The following NALCN variants were observed in gnomAD, a reference collection of about 807,000 sequenced individuals.
NALCN encodes the protein sodium leak channel, non-selective.
In NALCN, 111 loss-of-function variants were observed where a neutral mutation model predicts 225.3. The observed-to-expected ratio is 0.49, with a 90% CI of 0.42 to 0.58. The LOEUF (loss-of-function observed/expected upper bound fraction) is 0.58, where lower values mean the gene tolerates loss of function less well. Among genes scored for constraint, NALCN ranks in the 20% least tolerant of loss-of-function variants. The pLI, the probability that NALCN is intolerant of heterozygous loss-of-function variation, is 0.00. For synonymous variants in NALCN, 764 were observed against 769.0 expected, an observed-to-expected ratio of 0.99 and a Z score of 0.11; for missense variants, 1,378 against 2,202.4, an observed-to-expected ratio of 0.63 and a Z score of 7.49.
chr13:101,144,682 G>A, intron 16 of NALCN, 78 bp downstream of exon 16: 1 of 1,456,094 alleles, frequency 6.9e-7, no homozygotes, highest in Non-Finnish European at 9.2e-7. Flanking sequence ...ATACTTAAAA[G>A]AAGGGTTAAA....
chr13:101,188,028 C>T (rs1043929357), intron 14 of NALCN, among the ~76,000 whole-genome samples: 1 of 152,104 alleles, frequency 6.6e-6, no homozygotes, highest in Non-Finnish European at 1.5e-5. Flanking sequence ...TACCTAAGAT[C>T]TAAGCATTCT....
At chr13:101,162,389 G>A (rs535351901) in intron 15 of NALCN, among the ~76,000 whole-genome samples, 1 of 152,294 alleles carries the variant, frequency 6.6e-6, no homozygotes, top group African/African-American at 2.4e-5. Flanking sequence ...GATGCTTCCA[G>A]AAGAACGGAA....
intron 9 of NALCN, among the ~76,000 whole-genome samples, chr13:101,284,571 T>C (rs1025821011): frequency 1.3e-5 from 2 of 152,212 alleles, no homozygotes; most frequent in African/African-American, 4.8e-5. Flanking sequence ...GGGAAAGAAC[T>C]GGTGTTATTT....
Position 101,075,927 on chromosome 13 carries a change from G to A in NALCN, c.3900C>T (p.Tyr1300=). The A allele has an allele frequency of 6.2e-7, 1 of 1,610,120 alleles. No homozygotes were observed. The highest frequency in any genetic ancestry group is 8.5e-7 in the Non-Finnish European group (1 of 1,178,676). Residue 1300 remains tyrosine, a synonymous_variant, in exon 35 of 44, where the codon TAC becomes TAT. Transcript: ENST00000251127. ...LHFALLNAYT[Y]MMGACVIVFR... ...ATACAATCACACAAGCGCCCATCAT[G>A]TAAGTATATGCATTCTGAAATTTAA...
At chr13:101,329,380 T>C (rs1488666446) in intron 7 of NALCN, among the ~76,000 whole-genome samples, 1 of 152,182 alleles carries the variant, frequency 6.6e-6, no homozygotes, top group Non-Finnish European at 1.5e-5. Context: ...GCATCCCAAA[T>C]CTTAATCCAC....
At chr13:101,415,229 A>ACC (rs2047908048) in intron 1 of NALCN, among the ~76,000 whole-genome samples, 1 of 37,974 alleles carries the variant, frequency 2.6e-5, no homozygotes, top group Non-Finnish European at 1.1e-4. Context: ...ATATATACAT[A>ACC]CATATATATT....
chr13:101,151,116 G>A (rs1042501142), intron 15 of NALCN, among the ~76,000 whole-genome samples: 7 of 152,190 alleles, frequency 4.6e-5, no homozygotes, highest in African/African-American at 1.4e-4. Context: ...AGTCGTCTAA[G>A]CTCAGTGCTA....
At chr13:101,252,185 A>G (rs1375965608) in intron 11 of NALCN, among the ~76,000 whole-genome samples, 5 of 152,190 alleles carry the variant, frequency 3.3e-5, no homozygotes, top group Non-Finnish European at 7.3e-5. Flanking sequence ...ATCGATGGCC[A>G]TATCTTATTT....
intron 6 of NALCN, among the ~76,000 whole-genome samples, chr13:101,355,133 T>C (rs986890747): frequency 1.3e-5 from 2 of 152,172 alleles, no homozygotes; most frequent in Non-Finnish European, 2.9e-5. Flanking sequence ...TCTGCCATGA[T>C]TGTAAGCTTC....
Position 101,089,954 on chromosome 13 carries a change from C to T in NALCN, c.3282G>A (p.Arg1094=), listed in dbSNP as rs1329763425. The T allele has an allele frequency of 6.2e-7, 1 of 1,613,918 alleles. No homozygotes were observed. Among genetic ancestry groups the T allele is most frequent in the Non-Finnish European group, 8.5e-7 (1 of 1,179,866 alleles). The change falls in exon 29 of 44, where the codon CGG becomes CGA. Residue 1094 remains arginine (R), a synonymous_variant. Coordinates refer to ENST00000251127, the MANE Select transcript of NALCN (RefSeq NM_052867.4). This position sits in a 1 kb window ranked among gnomAD's most constrained non-coding sequence, Gnocchi z 4.7. Reference sequence around the variant, plus strand: ...TTCCCACATTGTCGAAATTAAAGTTCCGAGGATTCGCCCTGCGATTCCAAT... The same window carrying T: ...TTCCCACATTGTCGAAATTAAAGTTTCGAGGATTCGCCCTGCGATTCCAAT... The part of the protein sequence containing the change: ...FWVPRVWANP[R]NFNFDNVGNA...
At position 101,246,099 on chromosome 13, in the gene NALCN, CT is replaced by C. The variant is rs1304796499; in HGVS notation, c.1267-8178del. 8.5e-5 allele frequency among the ~76,000 whole-genome samples: 13 copies of C among 152,278 alleles called. No homozygotes were observed. The East Asian group carries it at 2.1e-3, about 25-fold the overall frequency. ...AAATCTCTGCTTTCCTTGCTTCTTT[CT>C]TTCCTTGCTTTGCTGTGCGTTTTGT... On this transcript the variant is annotated intron_variant, in intron 11 of 43. Coordinates refer to ENST00000251127, the MANE Select transcript of NALCN (RefSeq NM_052867.4).
intron 42 of NALCN, among the ~76,000 whole-genome samples, chr13:101,059,559 T>C (rs2031661195): frequency 1.3e-5 from 2 of 152,116 alleles, no homozygotes; most frequent in Non-Finnish European, 2.9e-5. Context: ...ATTATGAAGT[T>C]CAGGGCATTC....
rs1046649496 is a variant in NALCN at position 101,143,341 on chromosome 13, C to G, written c.1977-120G>C. On this transcript the variant is annotated intron_variant, in intron 16 of 43. Coordinates refer to ENST00000251127, the MANE Select transcript of NALCN (RefSeq NM_052867.4). ...AGCAGTGATAAAAGATCATAGAAAA[C>G]TAGATCATGACTAAAATATTTCATT... 2.4e-5 allele frequency: 24 copies of G among 1,004,312 alleles called. No individual in the cohort carries two copies. The African/African-American group carries it at 3.9e-4, about 16-fold the overall frequency. 62.2% of individuals were successfully genotyped at this position (1,004,312 alleles called of 1,614,324 possible). A position where few individuals can be genotyped will look rare whatever the true frequency, so the allele number is the denominator to read the frequency against.
chr13:101,320,173 C>A (rs1013095891), intron 7 of NALCN, among the ~76,000 whole-genome samples: 1 of 152,166 alleles, frequency 6.6e-6, no homozygotes, highest in Non-Finnish European at 1.5e-5. Flanking sequence ...CAATTTACAA[C>A]AACAATAACA....
intron 10 of NALCN, among the ~76,000 whole-genome samples, chr13:101,275,542 T>C (rs937554316): frequency 6.6e-6 from 1 of 152,196 alleles, no homozygotes; most frequent in Non-Finnish European, 1.5e-5. Context: ...TGGTAGGTAG[T>C]GTAGCTGAAA....
At chr13:101,240,751 C>T (rs1036431334) in intron 11 of NALCN, among the ~76,000 whole-genome samples, 8 of 152,064 alleles carry the variant, frequency 5.3e-5, no homozygotes, top group African/African-American at 1.9e-4. Context: ...TGTTTAAAGA[C>T]TTTCCTTTTC....
At chr13:101,347,152 C>CACACAT (rs895563079) in intron 6 of NALCN, among the ~76,000 whole-genome samples, 1 of 151,760 alleles carries the variant, frequency 6.6e-6, no homozygotes, top group Non-Finnish European at 1.5e-5. Flanking sequence ...CACACACACA[C>CACACAT]ACACACACAC....
Position 101,378,653 on chromosome 13 carries a change from C to A in NALCN, c.292G>T (p.Gly98Trp). 3 of 1,603,540 alleles carry A rather than the reference C, an allele frequency of 1.9e-6. No homozygotes were observed. The highest frequency in any genetic ancestry group is 2.3e-5 in the South Asian group (2 of 88,606). Residue 98 changes from glycine to tryptophan, a missense_variant and splice_region_variant, in exon 4 of 44, where the codon GGG becomes TGG. By Grantham distance (184) the Gly-to-Trp change is radical. Coordinates refer to ENST00000251127, the MANE Select transcript of NALCN (RefSeq NM_052867.4). ...CGATCTTTCACATAGGAACTATCCC[C>A]CTAAAAATAAATTTTACATGGCATT... Reference protein sequence around the residue: ...AKMHIRGIVKGDSSYVKDRWC... With the variant: ...AKMHIRGIVKWDSSYVKDRWC...
intron 3 of NALCN, among the ~76,000 whole-genome samples, chr13:101,379,959 T>C (rs2046803478): frequency 1.3e-5 from 2 of 152,236 alleles, no homozygotes; most frequent in Admixed American, 1.3e-4. Flanking sequence ...TTCTGCATAA[T>C]AATATTGGGA....
Sources: gnomAD v4.1 joint callset for allele counts (sites outside exome capture counted in the v4.1 genomes callset) on GRCh38, gnomAD v4.1.1 for gene constraint, Gnocchi (gnomAD v3.1) non-coding constraint, MANE v1.5 for transcripts, NCBI Gene and HGNC (gene_info 2026-07-23, HGNC 2026-07-21) for gene names.